The following RGS7 variants were observed in gnomAD, a reference collection of about 807,000 sequenced individuals.
RGS7 encodes the protein regulator of G protein signaling 7, also known as regulator of G-protein signaling 7.
A neutral mutation model predicts 81.1 loss-of-function variants in RGS7; 27 were observed. The observed-to-expected ratio is 0.33, with a 90% CI of 0.25 to 0.46. The LOEUF is 0.46. RGS7 is among the 20% of genes least tolerant of loss of function. RGS7 has a pLI of 1.00. For missense variants in RGS7, 396 were observed against 607.4 expected (o/e 0.65, Z 3.66); for synonymous variants, 208 against 207.7 (o/e 1.00, Z -0.01).
intron 3 of RGS7, chr1:240,998,733 ACCT>A: frequency 1.1e-6 from 1 of 889,626 alleles, no homozygotes; most frequent in Non-Finnish European, 1.8e-6. Context: ...CGTGACGGTC[ACCT>A]CATCATCGTG....
At position 240,870,118 on chromosome 1, in the gene RGS7, G is replaced by A. The variant is rs1323911658; in HGVS notation, c.387C>T (p.Ala129=). ...GCATTGTTCTCTTGCAGAGGTAAAC[G>A]GCTGAAAAAAAAATCAATCATTTCT... ...NCWEPENTDY[A]VYLCKRTMQN... is the part of the protein sequence containing the mutation. Residue 129 remains alanine (A), a splice_region_variant and synonymous_variant, in exon 7 of 19, where the codon GCC becomes GCT. Transcript: ENST00000440928. 13 of 1,613,478 alleles carry A rather than the reference G, an allele frequency of 8.1e-6. No individual in the cohort carries two copies. Among genetic ancestry groups the A allele is most frequent in the South Asian group, 3.3e-5 (3 of 91,066 alleles).
chr1:241,305,378 C>T (rs971890264), intron 2 of RGS7, among the ~76,000 whole-genome samples: 6 of 152,094 alleles, frequency 3.9e-5, no homozygotes, highest in South Asian at 2.1e-4. Flanking sequence ...GCATCAGCGA[C>T]GCCACTGTTG....
intron 2 of RGS7, among the ~76,000 whole-genome samples, chr1:241,135,166 C>A (rs1228920118): frequency 1.3e-5 from 2 of 152,150 alleles, no homozygotes; most frequent in Admixed American, 1.3e-4. Flanking sequence ...GTGGCTCATG[C>A]CTGTAATCCC....
intron 6 of RGS7, among the ~76,000 whole-genome samples, chr1:240,915,917 A>G (rs1672524244): frequency 6.6e-6 from 1 of 152,086 alleles, no homozygotes; most frequent in Non-Finnish European, 1.5e-5. Context: ...GAGTTTGGAC[A>G]TGTGTCAAAA....
chr1:241,168,411 G>A (rs73131636), intron 2 of RGS7, among the ~76,000 whole-genome samples: 2,476 of 152,238 alleles, frequency 0.016, 66 homozygotes, highest in African/African-American at 0.056. Flanking sequence ...AAATTTCTCT[G>A]GGAAATTGGA....
At chr1:241,136,522 T>C (rs1228595358) in intron 2 of RGS7, among the ~76,000 whole-genome samples, 1 of 152,038 alleles carries the variant, frequency 6.6e-6, no homozygotes. Context: ...CACAGCACAG[T>C]CCCACAGTGA....
At chr1:241,272,206 G>C (rs1425867390) in intron 2 of RGS7, among the ~76,000 whole-genome samples, 1 of 151,898 alleles carries the variant, frequency 6.6e-6, no homozygotes, top group African/African-American at 2.4e-5. Context: ...TGTTAGCCAG[G>C]GTGGTCTTGA....
At chr1:241,043,914 CA>C (rs2060768345) in intron 3 of RGS7, among the ~76,000 whole-genome samples, 1 of 151,692 alleles carries the variant, frequency 6.6e-6, no homozygotes, top group Non-Finnish European at 1.5e-5. Flanking sequence ...GTCCTAGAAC[CA>C]ATCCTGTGCA....
intron 3 of RGS7, among the ~76,000 whole-genome samples, chr1:241,060,103 A>G (rs1431173381): frequency 2.0e-5 from 3 of 152,042 alleles, no homozygotes; most frequent in Non-Finnish European, 4.4e-5. Context: ...CTTCTACTCT[A>G]TTCTTTATAC....
chr1:241,073,881 CT>C (rs11295758), intron 3 of RGS7, among the ~76,000 whole-genome samples: 3,981 of 150,496 alleles, frequency 0.026, 175 homozygotes, highest in African/African-American at 0.092. Context: ...GATTAACTGT[CT>C]TTCTGTCTTT....
chr1:241,254,514 A>G (rs1358420654), intron 2 of RGS7, among the ~76,000 whole-genome samples: 4 of 152,092 alleles, frequency 2.6e-5, no homozygotes, highest in African/African-American at 9.7e-5. Context: ...TGGACAGACA[A>G]AGAGCTCTGG....
intron 4 of RGS7, among the ~76,000 whole-genome samples, chr1:240,954,808 C>T (rs1260244663): frequency 2.0e-5 from 3 of 152,068 alleles, no homozygotes; most frequent in Admixed American, 2.0e-4. Context: ...GTTAAAATTG[C>T]CTTTGTTTGC....
Position 241,165,820 on chromosome 1 carries a change from AAG to A in RGS7, c.79-67060_79-67059del, listed in dbSNP as rs1260082244. Among the ~76,000 whole-genome samples, 29 of 152,130 alleles carry A rather than the reference AAG, an allele frequency of 1.9e-4. No individual in the cohort carries two copies. The East Asian group carries it at 3.1e-3, about 16-fold the overall frequency. On this transcript the variant is annotated intron_variant, in intron 2 of 18. Transcript: ENST00000440928. Reference sequence around the variant, plus strand: ...AAAAAAACCAGCCCTGAAAAAAAAAAAGAAAGAAAAAGACAACCTGGTACCAA... The same window carrying A: ...AAAAAAACCAGCCCTGAAAAAAAAAAAAAGAAAAAGACAACCTGGTACCAA...
chr1:241,015,677 C>T (rs571420969), intron 3 of RGS7, among the ~76,000 whole-genome samples: 5 of 152,246 alleles, frequency 3.3e-5, no homozygotes, highest in African/African-American at 7.2e-5. Flanking sequence ...TGGTACATTG[C>T]TTTTACCATT....
chr1:241,071,208 G>T (rs1407050659), intron 3 of RGS7, among the ~76,000 whole-genome samples: 1 of 152,078 alleles, frequency 6.6e-6, no homozygotes, highest in Non-Finnish European at 1.5e-5. Flanking sequence ...TAGGTAACAG[G>T]ATATTTCTCA....
At chr1:241,230,787 C>T (rs966643926) in intron 2 of RGS7, among the ~76,000 whole-genome samples, 1 of 152,116 alleles carries the variant, frequency 6.6e-6, no homozygotes, top group East Asian at 1.9e-4. Flanking sequence ...GCTTGTAGAT[C>T]GGGAGGAGGC....
intron 6 of RGS7, among the ~76,000 whole-genome samples, chr1:240,917,690 G>A (rs1033585332): frequency 1.3e-5 from 2 of 152,122 alleles, no homozygotes; most frequent in Non-Finnish European, 1.5e-5. Flanking sequence ...GGCAGAAAGA[G>A]ACAGGAAGAC....
At chr1:240,878,486 TTTC>T (rs1475009166) in intron 6 of RGS7, among the ~76,000 whole-genome samples, 6 of 81,360 alleles carry the variant, frequency 7.4e-5, no homozygotes, top group African/African-American at 1.5e-4. Context: ...TTCTTTTTTC[TTTC>T]TTTTTTTTTT....
At chr1:240,906,995 T>C (rs1332464113) in intron 6 of RGS7, among the ~76,000 whole-genome samples, 1 of 152,210 alleles carries the variant, frequency 6.6e-6, no homozygotes, top group Non-Finnish European at 1.5e-5. Context: ...TTCCTACTTA[T>C]CTAACTTTTT....
Sources: gnomAD v4.1 joint callset for allele counts (sites outside exome capture counted in the v4.1 genomes callset) on GRCh38, gnomAD v4.1.1 for gene constraint, MANE v1.5 for transcripts, NCBI Gene and HGNC (gene_info 2026-07-23, HGNC 2026-07-21) for gene names.